Variants in GPHN observed in about 807,000 individuals in gnomAD.
The protein encoded by GPHN is gephyrin.
In GPHN, 17 loss-of-function variants were observed where a neutral mutation model predicts 95.5. The ratio of observed to expected loss-of-function variants is 0.18; its 90% CI spans 0.12 to 0.27. The LOEUF (loss-of-function observed/expected upper bound fraction) is 0.27. GPHN is among the 10% of genes least tolerant of loss of function. The probability of loss-of-function intolerance (pLI) is 1.00; values close to 1 mark genes in which losing one functional copy is unlikely to be tolerated. For missense variants in GPHN, 660 were observed against 978.1 expected (o/e 0.67, Z 4.34); for synonymous variants, 320 against 322.5 (o/e 0.99, Z 0.08).
At chr14:66,736,329 A>G (rs909297654) in intron 2 of GPHN, among the ~76,000 whole-genome samples, 2 of 151,934 alleles carry the variant, frequency 1.3e-5, no homozygotes, top group African/African-American at 2.4e-5. Context: ...TTGATAATCT[A>G]TAGAAGTTAA....
intron 9 of GPHN, among the ~76,000 whole-genome samples, chr14:66,979,988 A>C (rs945074272): frequency 1.3e-5 from 2 of 152,192 alleles, no homozygotes; most frequent in African/African-American, 4.8e-5. Flanking sequence ...GTCAGGGCAC[A>C]CACAGCATTT....
intron 4 of GPHN, among the ~76,000 whole-genome samples, chr14:66,876,199 A>G (rs1240542241): frequency 6.6e-6 from 1 of 152,194 alleles, no homozygotes; most frequent in Non-Finnish European, 1.5e-5. Flanking sequence ...CTTTGAAACC[A>G]ATGAGAACAA....
the GPHN span, chr14:67,674,641 C>T: frequency 7.3e-6 from 4 of 546,290 alleles, no homozygotes; most frequent in Non-Finnish European, 1.2e-5. Context: ...GCGGCAGGGT[C>T]CTCTCGAGCC....
chr14:67,712,826 A>G, the GPHN span, among the ~76,000 whole-genome samples: 20,350 of 152,108 alleles, frequency 0.13, 1,396 homozygotes, highest in East Asian at 0.21. Flanking sequence ...TTCAGTTGGC[A>G]GCTAGCAAAA....
intron 1 of GPHN, among the ~76,000 whole-genome samples, chr14:66,665,958 G>A (rs1166526139): frequency 6.6e-6 from 1 of 152,126 alleles, no homozygotes. Flanking sequence ...GTAGGGGCAT[G>A]GATGAAGCTG....
chr14:66,603,189 T>C (rs373270621), intron 1 of GPHN, among the ~76,000 whole-genome samples: 2 of 152,016 alleles, frequency 1.3e-5, no homozygotes, highest in Middle Eastern at 6.8e-3. Flanking sequence ...GATTTTGAAA[T>C]CTTTTAACTT....
chr14:67,533,605 C>G, the GPHN span: 1 of 152,084 alleles, frequency 6.6e-6, no homozygotes, highest in African/African-American at 2.4e-5. Context: ...ACTCGCGCCG[C>G]GAGGCCAGGA....
At chr14:66,800,038 A>G (rs1047430070) in intron 3 of GPHN, among the ~76,000 whole-genome samples, 4 of 152,052 alleles carry the variant, frequency 2.6e-5, no homozygotes, top group African/African-American at 7.2e-5. Flanking sequence ...CCTGATAACA[A>G]CTTAACACTT....
the GPHN span, among the ~76,000 whole-genome samples, chr14:67,630,950 G>T: frequency 2.0e-5 from 3 of 152,084 alleles, no homozygotes; most frequent in Non-Finnish European, 2.9e-5. Context: ...TTTTCTTTCC[G>T]GAAAAAGGGA....
the GPHN span, chr14:67,204,875 A>T: frequency 2.5e-6 from 4 of 1,613,814 alleles, no homozygotes; most frequent in African/African-American, 5.3e-5. Flanking sequence ...GACAGCATAG[A>T]TTTCCCAGAA....
intron 1 of GPHN, among the ~76,000 whole-genome samples, chr14:66,558,750 ATTATAC>A (rs2060109747): frequency 6.6e-6 from 1 of 151,772 alleles, no homozygotes; most frequent in Admixed American, 6.6e-5. Context: ...TTTTATTATT[ATTATAC>A]TTTAAGTTTT....
At chr14:67,645,890 T>G in the GPHN span, 2 of 1,472,962 alleles carry the variant, frequency 1.4e-6, no homozygotes, top group South Asian at 2.6e-5. Flanking sequence ...TGGTGAAGGG[T>G]GGGTTGAGTG....
rs1491490864 is a variant in GPHN at position 66,570,042 on chromosome 14, TTG to T, written c.64+61453_64+61454del. Among the ~76,000 whole-genome samples the T allele has an allele frequency of 1.2e-3, 155 of 128,964 alleles. 1 individual carries two copies. The East Asian group carries it at 0.018, about 15-fold the overall frequency. 84.6% of individuals were successfully genotyped at this position (128,964 alleles called of 152,430 possible). ...TCCCATGAGTGAAATAATATTCTAT[TTG>T]TTTTTTTGTGCTTGTTTTATTTCAT... On this transcript the variant is annotated intron_variant, in intron 1 of 22. Coordinates refer to ENST00000478722, the MANE Select transcript of GPHN (RefSeq NM_020806.5).
chr14:66,540,620 C>G (rs2140057842), intron 1 of GPHN, among the ~76,000 whole-genome samples: 1 of 152,224 alleles, frequency 6.6e-6, no homozygotes, highest in East Asian at 1.9e-4. Context: ...AAATAATAGT[C>G]TTGACATAAA....
chr14:66,710,890 A>AT (rs1731758205), intron 2 of GPHN, among the ~76,000 whole-genome samples: 1 of 152,214 alleles, frequency 6.6e-6, no homozygotes, highest in African/African-American at 2.4e-5. Flanking sequence ...ACATAGTCTG[A>AT]TAAGTGGAAA....
chr14:67,674,411 C>T, the GPHN span: 1 of 1,607,356 alleles, frequency 6.2e-7, no homozygotes, highest in Non-Finnish European at 8.5e-7. Context: ...TCGGGCACCC[C>T]TTGTAGGTCT....
intron 10 of GPHN, among the ~76,000 whole-genome samples, chr14:67,039,039 A>G (rs2074570151): frequency 1.3e-5 from 2 of 152,170 alleles, no homozygotes; most frequent in Admixed American, 1.3e-4. Context: ...ACAGTCTTCC[A>G]TCAGTCAAGT....
chr14:67,705,371 T>A, the GPHN span, among the ~76,000 whole-genome samples: 1 of 152,234 alleles, frequency 6.6e-6, no homozygotes, highest in African/African-American at 2.4e-5. Flanking sequence ...GGTTACATAT[T>A]AATGTGTACG....
At chr14:67,393,276 T>G in the GPHN span, 1 of 1,463,860 alleles carries the variant, frequency 6.8e-7, no homozygotes, top group Non-Finnish European at 9.6e-7. Flanking sequence ...GAGGGAACCC[T>G]CATCACGCGG....
Sources: gnomAD v4.1 joint callset for allele counts (sites outside exome capture counted in the v4.1 genomes callset) on GRCh38, gnomAD v4.1.1 for gene constraint, MANE v1.5 for transcripts, NCBI Gene and HGNC (gene_info 2026-07-23, HGNC 2026-07-21) for gene names.